NIBAN1: variants seen among roughly 807,000 people sequenced by gnomAD.
NIBAN1 encodes the protein protein Niban 1.
In NIBAN1, 81 loss-of-function variants were observed where a neutral mutation model predicts 75.1. The ratio of observed to expected loss-of-function variants is 1.08; its 90% confidence interval spans 0.90 to 1.30. The LOEUF (loss-of-function observed/expected upper bound fraction) is 1.30, where lower values mean the gene tolerates loss of function less well. Ranked by LOEUF, NIBAN1 falls within the 50% of genes most tolerant of loss-of-function variation. The pLI is 0.00. For synonymous variants in NIBAN1, 436 were observed against 424.8 expected (o/e 1.03, Z -0.32); for missense variants, 1,133 against 1,128.1 (o/e 1.00, Z -0.06).
At chr1:184,886,161 C>T (rs1656519470) in intron 4 of NIBAN1, among the ~76,000 whole-genome samples, 1 of 152,202 alleles carries the variant, frequency 6.6e-6, no homozygotes, top group African/African-American at 2.4e-5. Flanking sequence ...AGCCACTCCT[C>T]TGGGATGCCT....
intron 12 of NIBAN1, among the ~76,000 whole-genome samples, chr1:184,802,930 G>T (rs566736169): frequency 5.9e-5 from 9 of 152,198 alleles, no homozygotes; most frequent in African/African-American, 1.4e-4. Context: ...AACCACTCAG[G>T]TTTCCTCATT....
intron 9 of NIBAN1, among the ~76,000 whole-genome samples, 198 bp from the exon 10 acceptor site, chr1:184,808,433 G>C (rs936283756): frequency 2.0e-5 from 3 of 152,140 alleles, no homozygotes; most frequent in African/African-American, 7.2e-5. Flanking sequence ...TGTAATGCTA[G>C]GACAGAAACC....
At chr1:184,966,312 C>A (rs948477386) in intron 1 of NIBAN1, among the ~76,000 whole-genome samples, 1 of 152,196 alleles carries the variant, frequency 6.6e-6, no homozygotes, top group African/African-American at 2.4e-5. Context: ...AATGTAAGAT[C>A]CTGACCCACC....
At chr1:184,895,034 C>T (rs1323828050) in intron 2 of NIBAN1, among the ~76,000 whole-genome samples, 2 of 152,016 alleles carry the variant, frequency 1.3e-5, no homozygotes, top group Non-Finnish European at 2.9e-5. Context: ...ATCATAGTGC[C>T]TTCAGAAACT....
intron 1 of NIBAN1, among the ~76,000 whole-genome samples, chr1:184,946,847 A>C (rs1658237346): frequency 6.6e-6 from 1 of 152,066 alleles, no homozygotes; most frequent in African/African-American, 2.4e-5. Context: ...GCCAAGGCGG[A>C]TGGATCACCT....
At position 184,881,987 on chromosome 1, in the gene NIBAN1, G is replaced by A. The variant is rs1376539865; in HGVS notation, c.601+2646C>T. On this transcript the variant is annotated intron_variant, in intron 5 of 13. Transcript: ENST00000367511. ...AGTTTCAGCCTCATTTCCAGCTCCT[G>A]TTTAAGATGGAGTTGCTCTGGTTCA... Among the ~76,000 whole-genome samples, 3 of 152,166 alleles carry A rather than the reference G, an allele frequency of 2.0e-5. No individual in the cohort carries two copies. The East Asian group carries it at 5.8e-4, about 29-fold the overall frequency.
intron 1 of NIBAN1, among the ~76,000 whole-genome samples, chr1:184,952,209 G>C (rs1377080611): frequency 2.0e-5 from 3 of 152,144 alleles, no homozygotes; most frequent in Admixed American, 2.0e-4. Flanking sequence ...AGATCAGCCT[G>C]GGCAACATAG....
intron 9 of NIBAN1, among the ~76,000 whole-genome samples, chr1:184,809,609 A>G (rs987471227): frequency 8.7e-5 from 13 of 149,592 alleles, no homozygotes; most frequent in East Asian, 3.9e-4. Flanking sequence ...ATGTGTGTGT[A>G]TATATATATA....
At chr1:184,869,223 G>T (rs1165322846) in intron 5 of NIBAN1, among the ~76,000 whole-genome samples, 1 of 152,186 alleles carries the variant, frequency 6.6e-6, no homozygotes, top group Non-Finnish European at 1.5e-5. Flanking sequence ...GGGGATAAAA[G>T]TAGAAGAGAA....
chr1:184,870,344 C>T (rs1656073376), intron 5 of NIBAN1, among the ~76,000 whole-genome samples: 2 of 152,152 alleles, frequency 1.3e-5, no homozygotes, highest in African/African-American at 4.8e-5. Context: ...TATCATCTAA[C>T]ACATAACACG....
At chr1:184,868,599 A>G (rs1003176735) in intron 5 of NIBAN1, 4 of 152,236 alleles carry the variant, frequency 2.6e-5, no homozygotes, top group East Asian at 1.9e-4. Flanking sequence ...CTGCATCTCA[A>G]TTGTCACCTG....
At chr1:184,928,659 C>T (rs960834576) in intron 1 of NIBAN1, among the ~76,000 whole-genome samples, 1 of 152,142 alleles carries the variant, frequency 6.6e-6, no homozygotes, top group South Asian at 2.1e-4. Flanking sequence ...CTCCCCCAAG[C>T]ATACAGATTC....
At chr1:184,818,543 A>C in intron 9 of NIBAN1, 95 bp downstream of exon 9, 1 of 1,202,658 alleles carries the variant, frequency 8.3e-7, no homozygotes. Context: ...GGAAGGAAAG[A>C]AGGGAGGAAG....
In NIBAN1 at chr1:184,842,178, G is replaced by A. The variant is rs149838687; in HGVS notation, c.602-10216C>T. ...TGCAAATGATTCACATTGTCTTAAC[G>A]ATTGCCTTCCCTACTGTTGTAAAGA... On this transcript the variant is annotated intron_variant, in intron 5 of 13. Coordinates refer to ENST00000367511, the MANE Select transcript of NIBAN1 (RefSeq NM_052966.4). Among the ~76,000 whole-genome samples the A allele has an allele frequency of 5.1e-3, 779 of 152,240 alleles. 4 individuals carry two copies. The highest frequency in any genetic ancestry group is 6.8e-3 in the Non-Finnish European group (462 of 68,010).
At chr1:184,844,261 C>T (rs1032051301) in intron 5 of NIBAN1, among the ~76,000 whole-genome samples, 1 of 152,210 alleles carries the variant, frequency 6.6e-6, no homozygotes, top group South Asian at 2.1e-4. Flanking sequence ...TAAAGGCAGA[C>T]AGTAAAATAA....
At chr1:184,796,945 C>T (rs1653890305) in intron 13 of NIBAN1, among the ~76,000 whole-genome samples, 1 of 152,186 alleles carries the variant, frequency 6.6e-6, no homozygotes, top group African/African-American at 2.4e-5. Flanking sequence ...TGACCGAGCC[C>T]TTCCTTTGTG....
intron 6 of NIBAN1, among the ~76,000 whole-genome samples, chr1:184,828,776 C>T (rs1654914721): frequency 6.6e-6 from 1 of 151,630 alleles, no homozygotes; most frequent in African/African-American, 2.4e-5. Flanking sequence ...TGTTATTTTA[C>T]CAAAACACTT....
intron 1 of NIBAN1, among the ~76,000 whole-genome samples, chr1:184,914,200 C>T (rs1280740293): frequency 2.6e-5 from 4 of 152,134 alleles, no homozygotes; most frequent in Admixed American, 1.3e-4. Context: ...AAGTTGGTTC[C>T]ACTACGTATT....
chr1:184,814,805 C>G (rs1172495734), intron 9 of NIBAN1, among the ~76,000 whole-genome samples: 1 of 152,084 alleles, frequency 6.6e-6, no homozygotes, highest in African/African-American at 2.4e-5. Context: ...TATGATAAAC[C>G]ATTAGTTATC....
Sources: allele counts gnomAD v4.1 joint callset (sites outside exome capture counted in the v4.1 genomes callset), GRCh38; gene constraint gnomAD v4.1.1; transcripts MANE v1.5; gene names NCBI Gene and HGNC (gene_info 2026-07-23, HGNC 2026-07-21).